Variants in C9orf85 observed in about 807,000 individuals in gnomAD.
C9orf85 encodes the protein chromosome 9 open reading frame 85.
C9orf85 carries 16 observed loss-of-function variants against 14.9 expected under a neutral mutation model. The observed-to-expected ratio is 1.08, with a 90% confidence interval of 0.73 to 1.63. C9orf85 has a LOEUF of 1.63. Ranked by LOEUF, C9orf85 falls within the 40% of genes most tolerant of loss-of-function variation. The probability of loss-of-function intolerance (pLI) is 0.00; values close to 1 mark genes in which losing one functional copy is unlikely to be tolerated. For synonymous variants in C9orf85, 45 were observed against 56.8 expected (o/e 0.79, Z 0.93); for missense variants, 172 against 186.1 (o/e 0.92, Z 0.44).
chr9:71,978,587 A>G (rs1230195961), intron 3 of C9orf85, among the ~76,000 whole-genome samples: 2 of 152,212 alleles, frequency 1.3e-5, no homozygotes, highest in Non-Finnish European at 2.9e-5. Flanking sequence ...TAAGTAACTT[A>G]TGGTGATAGA....
At chr9:71,978,029 C>A (rs1199169550), downstream of C9orf85, among the ~76,000 whole-genome samples, 2 of 152,142 alleles carry the variant, frequency 1.3e-5, no homozygotes, top group Non-Finnish European at 2.9e-5. Context: ...ATTTCTATAA[C>A]CTCTAGCAAT....
intron 2 of C9orf85, among the ~76,000 whole-genome samples, chr9:71,964,304 A>C (rs1474467573): frequency 2.7e-5 from 4 of 150,578 alleles, no homozygotes; most frequent in Non-Finnish European, 4.4e-5. Context: ...AGAGAATAAA[A>C]GCAGGCTGCC....
intron 2 of C9orf85, among the ~76,000 whole-genome samples, chr9:71,964,138 G>A (rs1470023969): frequency 6.6e-6 from 1 of 152,144 alleles, no homozygotes; most frequent in African/African-American, 2.4e-5. Flanking sequence ...TGGGGCCTTG[G>A]AGAACCTTTG....
intron 1 of C9orf85, among the ~76,000 whole-genome samples, chr9:71,925,546 A>G (rs1345061887): frequency 6.6e-6 from 1 of 152,230 alleles, no homozygotes; most frequent in African/African-American, 2.4e-5. Context: ...AGCAGGACAA[A>G]GACAGGTCCC....
intron 1 of C9orf85, among the ~76,000 whole-genome samples, chr9:71,936,327 A>G (rs1370867571): frequency 6.6e-6 from 1 of 152,174 alleles, no homozygotes. Flanking sequence ...GACCTGGAGA[A>G]AATAGTGTCA....
intron 1 of C9orf85, chr9:71,918,666 G>A (rs1827716210): frequency 6.7e-6 from 2 of 297,946 alleles, no homozygotes; most frequent in East Asian, 2.0e-4. Flanking sequence ...TCATAGGAGT[G>A]TGAACCCTAT....
chr9:71,933,790 C>CT (rs1828126221), intron 1 of C9orf85, among the ~76,000 whole-genome samples: 2 of 152,190 alleles, frequency 1.3e-5, no homozygotes, highest in African/African-American at 4.8e-5. Context: ...GAACTAAACT[C>CT]TAACTGCTAT....
intron 1 of C9orf85, among the ~76,000 whole-genome samples, chr9:71,917,819 C>G (rs895492897): frequency 6.6e-6 from 1 of 152,128 alleles, no homozygotes; most frequent in Admixed American, 6.5e-5. Context: ...TTAAATTGTA[C>G]GTTTAAGGCC....
At chr9:71,918,623 GCCT>G (rs1209901859) in intron 1 of C9orf85, 2 of 348,172 alleles carry the variant, frequency 5.7e-6, no homozygotes, top group Non-Finnish European at 1.1e-5. Context: ...CCTGAGTTCT[GCCT>G]CCTGTCAGAT....
intron 2 of C9orf85, among the ~76,000 whole-genome samples, chr9:71,957,711 G>C (rs561704470): frequency 1.3e-5 from 2 of 152,230 alleles, no homozygotes; most frequent in South Asian, 4.1e-4. Flanking sequence ...CAGTAGTCCA[G>C]GTCTTTTCTT....
chr9:71,926,634 GAAAAAAA>G (rs58407244), intron 1 of C9orf85, among the ~76,000 whole-genome samples: 25 of 115,846 alleles, frequency 2.2e-4, no homozygotes, highest in African/African-American at 6.3e-4. Flanking sequence ...CACTGCTGTT[GAAAAAAA>G]AAAAAAAAAA....
At chr9:71,980,009 CT>C (rs1412199163) in intron 3 of C9orf85, among the ~76,000 whole-genome samples, 9 of 103,772 alleles carry the variant, frequency 8.7e-5, no homozygotes, top group Non-Finnish European at 1.4e-4. Context: ...AATTCTTTTT[CT>C]TTTTTCTTTT....
intron 2 of C9orf85, among the ~76,000 whole-genome samples, chr9:71,967,310 T>A (rs1310203511): frequency 6.6e-6 from 1 of 152,232 alleles, no homozygotes; most frequent in Non-Finnish European, 1.5e-5. Flanking sequence ...CTTTCTACTA[T>A]CTTGAAAATC....
chr9:71,943,887 T>C (rs1013091725), intron 1 of C9orf85, among the ~76,000 whole-genome samples: 5 of 151,790 alleles, frequency 3.3e-5, no homozygotes, highest in African/African-American at 1.2e-4. Flanking sequence ...AAAGATATAT[T>C]GTTTGACAAC....
downstream of C9orf85, chr9:71,983,837 G>A (rs1823153592): frequency 6.6e-6 from 1 of 152,218 alleles, no homozygotes; most frequent in South Asian, 2.1e-4. Flanking sequence ...CCCTGAGATA[G>A]TGACTGAAAT....
Position 71,927,326 on chromosome 9 carries a change from G to A in C9orf85, c.102+15490G>A, listed in dbSNP as rs368489869. On this transcript the variant is annotated intron_variant, in intron 1 of 3. Transcript: ENST00000334731. ...TGTACTCCAGAATATAAAAAGATGCGAGAGAAGAAACTGATGAACCAAGAA... is the reference window on the plus strand; with the variant it reads ...TGTACTCCAGAATATAAAAAGATGCAAGAGAAGAAACTGATGAACCAAGAA... Among the ~76,000 whole-genome samples the A allele has an allele frequency of 4.7e-5, 7 of 150,368 alleles. No individual in the cohort carries two copies. In the East Asian group the frequency reaches 7.8e-4, roughly 17 times the overall value.
intron 3 of C9orf85, among the ~76,000 whole-genome samples, chr9:71,980,560 A>G (rs924299825): frequency 1.3e-5 from 2 of 152,148 alleles, no homozygotes; most frequent in Non-Finnish European, 2.9e-5. Context: ...TTAAAACTAT[A>G]TTATTTACAC....
chr9:71,962,431 A>G (rs1434426090), intron 2 of C9orf85, among the ~76,000 whole-genome samples: 2 of 152,238 alleles, frequency 1.3e-5, no homozygotes, highest in Admixed American at 1.3e-4. Flanking sequence ...CCATTGCAGG[A>G]AAATAGGACT....
At chr9:71,948,463 GCA>G (rs1247327581) in intron 2 of C9orf85, among the ~76,000 whole-genome samples, 1 of 151,962 alleles carries the variant, frequency 6.6e-6, no homozygotes, top group Non-Finnish European at 1.5e-5. Flanking sequence ...CCGTTTTGGA[GCA>G]GTCTAGTATT....
Sources: gnomAD v4.1 joint callset for allele counts (sites outside exome capture counted in the v4.1 genomes callset) on GRCh38, gnomAD v4.1.1 for gene constraint, MANE v1.5 for transcripts, NCBI Gene and HGNC (gene_info 2026-07-23, HGNC 2026-07-21) for gene names.